Variants in CUBN observed in about 807,000 individuals in gnomAD.
The protein encoded by CUBN is 460 kDa receptor.
Under a neutral mutation model 405.3 loss-of-function variants are expected in CUBN, and 282 were observed. That is an observed-to-expected ratio of 0.70 (90% CI 0.63 to 0.77). The LOEUF (loss-of-function observed/expected upper bound fraction) is 0.77. Ranked by LOEUF, CUBN falls within the 30% of genes least tolerant of loss-of-function variation. CUBN has a pLI of 0.00. For missense variants in CUBN, 4,514 were observed against 4,475.2 expected, an observed-to-expected ratio of 1.01 and a Z score of -0.25; for synonymous variants, 1,684 against 1,617.0, an observed-to-expected ratio of 1.04 and a Z score of -0.99.
Position 17,068,095 on chromosome 10 carries a change from A to T in CUBN, c.2977T>A (p.Tyr993Asn), listed in dbSNP as rs755061256. The T allele has an allele frequency of 5.0e-6, 8 of 1,613,420 alleles. No individual in the cohort carries two copies. The South Asian group carries it at 8.8e-5, about 18-fold the overall frequency. Residue 993 changes from tyrosine (Y) to asparagine (N), a missense_variant, in exon 21 of 67, where the codon TAT becomes AAT. This residue lies in a region of CUBN where 1,448 missense variants were observed against 1,388.0 expected (regional missense o/e 1.04). Coordinates refer to ENST00000377833, the MANE Select transcript of CUBN (RefSeq NM_001081.4). ...YNCTNDYLEV[Y>N]DTDSETSLGR... ...AGGGATGTCTCAGAGTCGGTGTCAT[A>T]AACTTCCAAGTAGTCGTTTGTGCAA...
chr10:17,125,056 T>A (rs1837142005), intron 4 of CUBN, among the ~76,000 whole-genome samples: 1 of 151,686 alleles, frequency 6.6e-6, no homozygotes, highest in Non-Finnish European at 1.5e-5. Context: ...GATCTCAAAC[T>A]CCCGACCTCA....
chr10:17,058,077 G>A (rs576247652), intron 22 of CUBN, among the ~76,000 whole-genome samples: 7 of 151,992 alleles, frequency 4.6e-5, no homozygotes, highest in Non-Finnish European at 7.4e-5. Flanking sequence ...AGCTGAGATC[G>A]CGCCACTGCA....
chr10:16,839,848 A>C (rs1839288012), intron 62 of CUBN, among the ~76,000 whole-genome samples: 1 of 152,124 alleles, frequency 6.6e-6, no homozygotes, highest in African/African-American at 2.4e-5. Flanking sequence ...CGGATTAAGA[A>C]AATGTGGCAC....
intron 58 of CUBN, among the ~76,000 whole-genome samples, chr10:16,871,286 C>T (rs1302221001): frequency 6.6e-6 from 1 of 151,816 alleles, no homozygotes; most frequent in Non-Finnish European, 1.5e-5. Context: ...AGGTGACCTG[C>T]CTGCCTCAGC....
chr10:17,125,314 C>T (rs1837154177), intron 4 of CUBN, among the ~76,000 whole-genome samples: 1 of 152,012 alleles, frequency 6.6e-6, no homozygotes, highest in Non-Finnish European at 1.5e-5. Flanking sequence ...CGTCTGTTTC[C>T]TTCATTTTAT....
intron 19 of CUBN, 28 bp downstream of exon 19, chr10:17,071,398 A>G (rs1312905650): frequency 1.9e-6 from 3 of 1,609,214 alleles, no homozygotes; most frequent in Non-Finnish European, 2.6e-6. Context: ...ACAACCAAAT[A>G]CAAATTCAAA....
chr10:17,081,008 T>G (rs899014037), intron 17 of CUBN, among the ~76,000 whole-genome samples: 2 of 152,056 alleles, frequency 1.3e-5, no homozygotes, highest in African/African-American at 4.8e-5. Context: ...TTAAGAGAGA[T>G]ATATAAATCT....
At chr10:16,830,860 T>C (rs546987696) in intron 65 of CUBN, among the ~76,000 whole-genome samples, 14 of 151,772 alleles carry the variant, frequency 9.2e-5, no homozygotes, top group East Asian at 1.9e-4. Flanking sequence ...CTTTGGGAGG[T>C]TGGATCACCT....
intron 31 of CUBN, among the ~76,000 whole-genome samples, chr10:16,969,644 A>C (rs61841469): frequency 0.057 from 8,739 of 152,192 alleles, 360 homozygotes; most frequent in Non-Finnish European, 0.088. Context: ...TGAGCCACTG[A>C]GCCCAGTCTA....
At chr10:16,833,332 C>A (rs1433857038) in intron 64 of CUBN, among the ~76,000 whole-genome samples, 1 of 152,216 alleles carries the variant, frequency 6.6e-6, no homozygotes, top group African/African-American at 2.4e-5. Context: ...TTTGCCTCTT[C>A]ATTTCCTCCC....
chr10:17,075,073 CTTTTTTTTT>C (rs957929670), intron 17 of CUBN, among the ~76,000 whole-genome samples: 1,949 of 65,290 alleles, frequency 0.03, 12 homozygotes, highest in East Asian at 0.095. Context: ...TCTTTGTTTT[CTTTTTTTTT>C]TTTTTTTTTT....
intron 56 of CUBN, among the ~76,000 whole-genome samples, chr10:16,885,303 C>T (rs1348340532): frequency 1.3e-5 from 2 of 152,164 alleles, no homozygotes; most frequent in Non-Finnish European, 2.9e-5. Flanking sequence ...CTGGAAATGT[C>T]ACAAGGCATT....
intron 27 of CUBN, among the ~76,000 whole-genome samples, chr10:17,029,540 G>T (rs1834745068): frequency 6.6e-6 from 1 of 152,184 alleles, no homozygotes; most frequent in African/African-American, 2.4e-5. Flanking sequence ...CTCATATCTG[G>T]TATCAAGTTA....
chr10:16,835,188 G>A lies in CUBN; in HGVS notation c.10188C>T (p.Asn3396=). 6.2e-7 allele frequency: 1 copy of A among 1,613,454 alleles called. No homozygotes were observed. The highest frequency in any genetic ancestry group is 8.5e-7 in the Non-Finnish European group (1 of 1,179,364). Residue 3396 remains asparagine (N), a synonymous_variant, in exon 64 of 67, where the codon AAC becomes AAT. Coordinates refer to ENST00000377833, the MANE Select transcript of CUBN (RefSeq NM_001081.4). ...MSFTYQIADC[N]RDYHKAFGNL... is the part of the protein sequence containing the mutation. ...TGCCAAATGCCTTGTGATAGTCTCT[G>A]TTGCAATCTTAGAGGAAAAATAGGC...
intron 65 of CUBN, among the ~76,000 whole-genome samples, chr10:16,829,354 AAAAAC>A (rs1028404460): frequency 8.0e-5 from 12 of 150,734 alleles, no homozygotes; most frequent in African/African-American, 2.7e-4. Context: ...AAAAAAAAAA[AAAAAC>A]AAACTTGATA....
chr10:16,889,759 G>T (rs1840936780), intron 55 of CUBN, among the ~76,000 whole-genome samples: 1 of 151,530 alleles, frequency 6.6e-6, no homozygotes, highest in Non-Finnish European at 1.5e-5. Flanking sequence ...AAAATTAGCT[G>T]GGCATGGTGG....
intron 54 of CUBN, among the ~76,000 whole-genome samples, chr10:16,890,871 C>A (rs1038071224): frequency 6.6e-6 from 1 of 152,208 alleles, no homozygotes; most frequent in African/African-American, 2.4e-5. Flanking sequence ...GGAGACGGAG[C>A]AGCCAGGTGG....
At chr10:17,109,783 G>A (rs1227849735) in intron 9 of CUBN, 48 bp from the exon 10 acceptor site, 11 of 1,435,342 alleles carry the variant, frequency 7.7e-6, no homozygotes, top group African/African-American at 1.4e-5. Context: ...CAAGAAGATG[G>A]GAGGACAAAG....
At chr10:16,929,495 A>G (rs996822459) in intron 40 of CUBN, among the ~76,000 whole-genome samples, 5 of 152,252 alleles carry the variant, frequency 3.3e-5, no homozygotes, top group Non-Finnish European at 5.9e-5. Context: ...ACAACCAGCC[A>G]CATGGATTCT....
Sources: allele counts gnomAD v4.1 joint callset (sites outside exome capture counted in the v4.1 genomes callset), GRCh38; gene constraint gnomAD v4.1.1; regional missense constraint gnomAD v4.1.1; transcripts MANE v1.5; gene names NCBI Gene and HGNC (gene_info 2026-07-23, HGNC 2026-07-21).